GPR89A: variants seen among roughly 807,000 people sequenced by gnomAD.
The protein encoded by GPR89A is golgi pH regulator A.
GPR89A carries 16 observed loss-of-function variants against 52.0 expected under a neutral mutation model. That is an observed-to-expected ratio of 0.31 (90% confidence interval 0.21 to 0.47). GPR89A has a LOEUF of 0.47. GPR89A is among the 20% of genes least tolerant of loss of function. The probability of loss-of-function intolerance (pLI) is 1.00; values close to 1 mark genes in which losing one functional copy is unlikely to be tolerated. For synonymous variants in GPR89A, 55 were observed against 150.9 expected (o/e 0.36, Z 4.66); for missense variants, 135 against 449.4 (o/e 0.30, Z 6.33).
chr1:145,633,981 T>C (rs1311125985), intron 7 of GPR89A, among the ~76,000 whole-genome samples: 1 of 151,684 alleles, frequency 6.6e-6, no homozygotes, highest in African/African-American at 2.4e-5. Context: ...ACAACATTAA[T>C]AGAAGAAATT....
intron 10 of GPR89A, among the ~76,000 whole-genome samples, chr1:145,655,642 T>G (rs1651759817): frequency 6.6e-6 from 1 of 152,210 alleles, no homozygotes; most frequent in Non-Finnish European, 1.5e-5. Context: ...CAGTGGAGGC[T>G]GCAGAACAGC....
intron 12 of GPR89A, among the ~76,000 whole-genome samples, chr1:145,667,592 A>T (rs1446914331): frequency 6.6e-6 from 1 of 152,024 alleles, no homozygotes; most frequent in Non-Finnish European, 1.5e-5. Context: ...CCCATTTGTC[A>T]ATTTTGGCTT....
chr1:145,641,023 A>G (rs1650621461), intron 7 of GPR89A, among the ~76,000 whole-genome samples: 1 of 151,768 alleles, frequency 6.6e-6, no homozygotes, highest in Admixed American at 6.6e-5. Context: ...AATACTAATA[A>G]GAATGCAGAG....
rs1326536957 is a variant in GPR89A, at chr1:145,645,984, C to G, written c.728-200C>G. 94 of 658,998 alleles carry G rather than the reference C, an allele frequency of 1.4e-4. 1 individual carries two copies. The highest frequency in any genetic ancestry group is 7.1e-4 in the Middle Eastern group (2 of 2,810). 40.8% of individuals were successfully genotyped at this position (658,998 alleles called of 1,614,324 possible). On this transcript the variant is annotated intron_variant, in intron 8 of 13. Coordinates refer to ENST00000313835, the MANE Select transcript of GPR89A (RefSeq NM_001097612.2). ...GTGGTAATTGTTTGGTGGCGATGCT[C>G]TTGATGGAGAAGCTTTTACACACCT...
chr1:145,642,411 TC>T (rs1650713184), intron 7 of GPR89A, among the ~76,000 whole-genome samples: 2 of 150,750 alleles, frequency 1.3e-5, no homozygotes, highest in African/African-American at 2.4e-5. Flanking sequence ...TATTACATCT[TC>T]CCAAAATGGT....
chr1:145,619,099 T>C (rs1648921436), intron 3 of GPR89A, among the ~76,000 whole-genome samples: 1 of 152,142 alleles, frequency 6.6e-6, no homozygotes, highest in African/African-American at 2.4e-5. Flanking sequence ...TATCACCACC[T>C]GGAAAAACCT....
chr1:145,621,726 A>G (rs587723493), intron 3 of GPR89A, among the ~76,000 whole-genome samples: 1 of 152,258 alleles, frequency 6.6e-6, no homozygotes, highest in East Asian at 1.9e-4. Flanking sequence ...GAATTCTTAT[A>G]GTTTAATCAT....
At chr1:145,619,328 G>GA in intron 3 of GPR89A, among the ~76,000 whole-genome samples, 1 of 151,360 alleles carries the variant, frequency 6.6e-6, no homozygotes, top group African/African-American at 2.4e-5. Context: ...AAGAGAGAGG[G>GA]GCCAGACATA....
intron 7 of GPR89A, among the ~76,000 whole-genome samples, chr1:145,643,222 GT>G (rs1650777832): frequency 2.0e-5 from 3 of 151,914 alleles, no homozygotes; most frequent in Non-Finnish European, 1.5e-5. Context: ...CTGGCGTGCA[GT>G]GGTGTGATCT....
At chr1:145,614,538 C>G (rs1271847793) in intron 1 of GPR89A, among the ~76,000 whole-genome samples, 1 of 152,032 alleles carries the variant, frequency 6.6e-6, no homozygotes, top group East Asian at 1.9e-4. Context: ...AGCCATTCAG[C>G]AAGCACTTAT....
intron 5 of GPR89A, among the ~76,000 whole-genome samples, chr1:145,629,940 C>T (rs1168979864): frequency 1.3e-5 from 2 of 152,170 alleles, no homozygotes; most frequent in Non-Finnish European, 2.9e-5. Context: ...TGAATTCTAT[C>T]CTAGAAATAG....
chr1:145,634,226 C>A (rs1476626346), intron 7 of GPR89A, among the ~76,000 whole-genome samples: 1 of 151,684 alleles, frequency 6.6e-6, no homozygotes, highest in Non-Finnish European at 1.5e-5. Context: ...ATTATAGGTG[C>A]GCACCACCAC....
Position 145,617,892 on chromosome 1 carries a change from GC to G in GPR89A, c.103-426del, listed in dbSNP as rs1184791882. Among the ~76,000 whole-genome samples, 3 of 151,930 alleles carry G rather than the reference GC, an allele frequency of 2.0e-5. No individual in the cohort carries two copies. In the East Asian group the frequency reaches 5.8e-4, roughly 29 times the overall value. On this transcript the variant is annotated intron_variant, in intron 2 of 13. Coordinates refer to ENST00000313835, the MANE Select transcript of GPR89A (RefSeq NM_001097612.2). ...CCCAGGGAGTTTATTGTCTGAAAGA[GC>G]CTGGGATTCTGGAGATTTTCTTCTG...
At chr1:145,634,271 G>C (rs1553690379) in intron 7 of GPR89A, among the ~76,000 whole-genome samples, 1 of 151,660 alleles carries the variant, frequency 6.6e-6, no homozygotes, top group Non-Finnish European at 1.5e-5. Context: ...GTAGAGACGG[G>C]GTTTCACCAT....
intron 9 of GPR89A, 105 bp from the exon 10 acceptor site, chr1:145,647,070 T>G (rs1651043767): frequency 4.0e-6 from 6 of 1,510,198 alleles, no homozygotes; most frequent in Non-Finnish European, 5.3e-6. Flanking sequence ...CAATGTATGG[T>G]TTTTTGACTT....
chr1:145,625,995 C>T (rs1292795123), intron 5 of GPR89A, among the ~76,000 whole-genome samples: 3 of 150,150 alleles, frequency 2.0e-5, no homozygotes, highest in Non-Finnish European at 4.4e-5. Context: ...TTGAGTCTCT[C>T]CAAAGTGGTA....
intron 1 of GPR89A, among the ~76,000 whole-genome samples, chr1:145,615,611 C>T (rs587640177): frequency 9.6e-6 from 1 of 104,674 alleles, no homozygotes; most frequent in African/African-American, 3.9e-5. Flanking sequence ...CCATAAGAAG[C>T]AAGTCTCACT....
chr1:145,627,538 G>A (rs1189551032), intron 5 of GPR89A, among the ~76,000 whole-genome samples: 4 of 152,060 alleles, frequency 2.6e-5, no homozygotes, highest in Non-Finnish European at 4.4e-5. Context: ...GGATTTATTC[G>A]TTCATTCAGC....
At chr1:145,609,792 C>T in intron 1 of GPR89A, among the ~76,000 whole-genome samples, 1 of 152,062 alleles carries the variant, frequency 6.6e-6, no homozygotes, top group Non-Finnish European at 1.5e-5. Context: ...AATTGTTAAA[C>T]CTGGTTTTTA....
Sources: allele counts gnomAD v4.1 joint callset (sites outside exome capture counted in the v4.1 genomes callset), GRCh38; gene constraint gnomAD v4.1.1; transcripts MANE v1.5; gene names NCBI Gene and HGNC (gene_info 2026-07-23, HGNC 2026-07-21).